Variants in MAGI2 observed in about 807,000 individuals in gnomAD.
MAGI2 encodes membrane associated guanylate kinase, WW and PDZ domain containing 2.
MAGI2 carries 35 observed loss-of-function variants against 133.3 expected under a neutral mutation model. The observed-to-expected ratio is 0.26, with a 90% CI of 0.20 to 0.35. MAGI2 has a LOEUF of 0.35. Among genes scored for constraint, MAGI2 ranks in the 10% least tolerant of loss-of-function variants. The pLI is 1.00. For missense variants in MAGI2, 1,636 were observed against 1,863.4 expected (o/e 0.88, Z 2.25); for synonymous variants, 729 against 710.6 (o/e 1.03, Z -0.41).
At chr7:78,781,581 C>T (rs572531229) in intron 2 of MAGI2, among the ~76,000 whole-genome samples, 3 of 152,126 alleles carry the variant, frequency 2.0e-5, no homozygotes, top group Admixed American at 2.0e-4. Context: ...AATTGAGGAA[C>T]AACTTCCCTC....
At chr7:78,579,589 C>T (rs768206286) in intron 3 of MAGI2, among the ~76,000 whole-genome samples, 2 of 152,154 alleles carry the variant, frequency 1.3e-5, no homozygotes, top group Admixed American at 6.5e-5. Context: ...CACTAACTAG[C>T]CTTTTTATGC....
chr7:78,536,114 T>TC (rs1797882457), intron 3 of MAGI2, among the ~76,000 whole-genome samples: 1 of 113,876 alleles, frequency 8.8e-6, no homozygotes, highest in Non-Finnish European at 1.8e-5. Context: ...TTTTTTTTTT[T>TC]TTTTTTTTTT....
intron 9 of MAGI2, among the ~76,000 whole-genome samples, chr7:78,288,546 C>T (rs373265012): frequency 4.7e-4 from 72 of 152,252 alleles, no homozygotes; most frequent in African/African-American, 1.6e-3. Context: ...CCCCAGCAGG[C>T]GCAATGCAGA....
At chr7:78,136,750 C>T (rs1178859121) in intron 16 of MAGI2, among the ~76,000 whole-genome samples, 8 of 152,214 alleles carry the variant, frequency 5.3e-5, no homozygotes, top group African/African-American at 1.9e-4. Context: ...CAGTATGTTT[C>T]AGGGATGTCT....
chr7:79,183,906 A>T (rs1826838171), intron 1 of MAGI2, among the ~76,000 whole-genome samples: 1 of 151,858 alleles, frequency 6.6e-6, no homozygotes, highest in Non-Finnish European at 1.5e-5. Flanking sequence ...ATACTGCATG[A>T]TCTTATTTGT....
intron 3 of MAGI2, among the ~76,000 whole-genome samples, chr7:78,522,918 T>C (rs147556735): frequency 1.4e-4 from 21 of 152,282 alleles, no homozygotes; most frequent in Admixed American, 1.2e-3. Flanking sequence ...AGAAAAAGGA[T>C]GAATACAATA....
At chr7:78,301,264 GA>G (rs1358309468) in intron 9 of MAGI2, among the ~76,000 whole-genome samples, 1 of 152,118 alleles carries the variant, frequency 6.6e-6, no homozygotes, top group African/African-American at 2.4e-5. Flanking sequence ...CCCGGAGTCA[GA>G]AAAGAAGCCA....
chr7:78,554,341 C>T (rs1440211973), intron 3 of MAGI2, among the ~76,000 whole-genome samples: 1 of 152,204 alleles, frequency 6.6e-6, no homozygotes, highest in African/African-American at 2.4e-5. Flanking sequence ...CACTTCTGAG[C>T]TAATCAAGTT....
chr7:78,531,819 A>G (rs1797498477), intron 3 of MAGI2, among the ~76,000 whole-genome samples: 2 of 152,218 alleles, frequency 1.3e-5, no homozygotes, highest in Non-Finnish European at 2.9e-5. Flanking sequence ...GGAGACCTCT[A>G]CGACTATTTT....
At chr7:78,208,610 A>G (rs929358110) in intron 10 of MAGI2, among the ~76,000 whole-genome samples, 6 of 152,200 alleles carry the variant, frequency 3.9e-5, no homozygotes, top group Non-Finnish European at 8.8e-5. Context: ...AAAAATTGGC[A>G]AAGAAAATGT....
At chr7:78,199,776 T>A (rs1309028559) in intron 11 of MAGI2, among the ~76,000 whole-genome samples, 1 of 152,244 alleles carries the variant, frequency 6.6e-6, no homozygotes. Context: ...CATTGAGTTC[T>A]ATAAAACAAT....
At chr7:78,704,586 A>G (rs1253465988) in intron 2 of MAGI2, among the ~76,000 whole-genome samples, 3 of 152,138 alleles carry the variant, frequency 2.0e-5, no homozygotes, top group Non-Finnish European at 4.4e-5. Flanking sequence ...AAAGGTATAG[A>G]GACACATGCA....
chr7:78,295,430 G>A (rs1797127736), intron 9 of MAGI2, among the ~76,000 whole-genome samples: 1 of 152,170 alleles, frequency 6.6e-6, no homozygotes, highest in South Asian at 2.1e-4. Context: ...AGGAAAGATA[G>A]CCTCATAACC....
intron 1 of MAGI2, among the ~76,000 whole-genome samples, chr7:79,023,255 T>A (rs976346443): frequency 2.0e-5 from 3 of 152,120 alleles, no homozygotes; most frequent in Non-Finnish European, 4.4e-5. Context: ...TATCAATAGA[T>A]ACAGAAAAGG....
At chr7:78,630,512 G>A (rs780792493) in intron 2 of MAGI2, among the ~76,000 whole-genome samples, 2 of 148,162 alleles carry the variant, frequency 1.3e-5, no homozygotes, top group Non-Finnish European at 3.0e-5. Context: ...TGCCTCCAGG[G>A]TTCAAGTGAT....
intron 2 of MAGI2, among the ~76,000 whole-genome samples, chr7:78,674,884 G>A (rs1016703120): frequency 6.6e-6 from 1 of 151,974 alleles, no homozygotes; most frequent in Non-Finnish European, 1.5e-5. Flanking sequence ...AAAGTATGGA[G>A]GAAAAAAGTG....
At chr7:79,357,208 G>C (rs1332339410) in intron 1 of MAGI2, among the ~76,000 whole-genome samples, 2 of 152,162 alleles carry the variant, frequency 1.3e-5, no homozygotes, top group African/African-American at 4.8e-5. Context: ...TCAAAGAACA[G>C]CTAAAGAAAG....
chr7:79,386,041 A>C (rs1244904725), intron 1 of MAGI2, among the ~76,000 whole-genome samples: 1 of 152,026 alleles, frequency 6.6e-6, no homozygotes, highest in South Asian at 2.1e-4. Flanking sequence ...GATAACATTA[A>C]AATTACTTTA....
At chr7:79,026,323 C>T (rs1809879329) in intron 1 of MAGI2, among the ~76,000 whole-genome samples, 1 of 152,120 alleles carries the variant, frequency 6.6e-6, no homozygotes, top group African/African-American at 2.4e-5. Flanking sequence ...TTGGCTCATC[C>T]CTTCAATTAC....
Sources: allele counts gnomAD v4.1 joint callset (sites outside exome capture counted in the v4.1 genomes callset), GRCh38; gene constraint gnomAD v4.1.1; transcripts MANE v1.5; gene names NCBI Gene and HGNC (gene_info 2026-07-23, HGNC 2026-07-21).